The following CDK14 variants were observed in gnomAD, a reference collection of about 807,000 sequenced individuals.
The protein encoded by CDK14 is cyclin-dependent kinase 14.
A neutral mutation model predicts 60.7 loss-of-function variants in CDK14; 34 were observed. That is an observed-to-expected ratio of 0.56 (90% CI 0.43 to 0.75). The LOEUF is 0.75. Among genes scored for constraint, CDK14 ranks in the 30% least tolerant of loss-of-function variants. The pLI, the probability that CDK14 is intolerant of heterozygous loss-of-function variation, is 0.00. For missense variants in CDK14, 482 were observed against 564.1 expected (o/e 0.85, Z 1.47); for synonymous variants, 197 against 203.7 (o/e 0.97, Z 0.28).
At chr7:90,854,525 C>T (rs1790757127) in intron 5 of CDK14, among the ~76,000 whole-genome samples, 1 of 151,954 alleles carries the variant, frequency 6.6e-6, no homozygotes, top group Admixed American at 6.6e-5. Context: ...CAAGACCCTG[C>T]CTCTAAATAA....
intron 14 of CDK14, among the ~76,000 whole-genome samples, chr7:91,135,834 A>G (rs1323335825): frequency 6.6e-6 from 1 of 152,294 alleles, no homozygotes; most frequent in East Asian, 1.9e-4. Flanking sequence ...AACTGAACCC[A>G]AGCACCCTTT....
chr7:90,928,869 AC>A (rs1793503901), intron 8 of CDK14, among the ~76,000 whole-genome samples: 1 of 152,134 alleles, frequency 6.6e-6, no homozygotes, highest in Non-Finnish European at 1.5e-5. Context: ...AGTGAGTTCC[AC>A]CCAGTTTGAG....
At chr7:90,873,572 GC>G (rs1791448131) in intron 6 of CDK14, among the ~76,000 whole-genome samples, 3 of 152,008 alleles carry the variant, frequency 2.0e-5, no homozygotes, top group Admixed American at 6.5e-5. Flanking sequence ...GGAATATTAG[GC>G]CACCCTATAA....
chr7:90,781,402 C>A (rs952086214), intron 4 of CDK14, among the ~76,000 whole-genome samples: 31 of 151,828 alleles, frequency 2.0e-4, no homozygotes, highest in Non-Finnish European at 3.8e-4. Flanking sequence ...TTTTGCTGTG[C>A]AGAAGCTCTT....
intron 4 of CDK14, among the ~76,000 whole-genome samples, chr7:90,779,535 T>C (rs1805219567): frequency 6.6e-6 from 1 of 152,222 alleles, no homozygotes; most frequent in Non-Finnish European, 1.5e-5. Context: ...TATAGCGTGC[T>C]GAGATTTTCC....
At chr7:91,029,244 A>G (rs1796686997) in intron 10 of CDK14, among the ~76,000 whole-genome samples, 1 of 152,086 alleles carries the variant, frequency 6.6e-6, no homozygotes, top group Non-Finnish European at 1.5e-5. Flanking sequence ...TTGAAGTCAG[A>G]TAATGTGGTG....
chr7:90,945,303 G>A (rs552986460), intron 8 of CDK14, among the ~76,000 whole-genome samples: 7 of 152,246 alleles, frequency 4.6e-5, no homozygotes, highest in South Asian at 2.1e-4. Context: ...CATCTAATTC[G>A]CACAAATACC....
chr7:90,771,431 T>C (rs1361687030), intron 4 of CDK14, among the ~76,000 whole-genome samples: 2 of 152,198 alleles, frequency 1.3e-5, no homozygotes, highest in Non-Finnish European at 2.9e-5. Context: ...GTTCTTGTCT[T>C]ATGACCAAAA....
chr7:90,660,117 T>A (rs1356682884), intron 2 of CDK14, among the ~76,000 whole-genome samples: 1 of 152,190 alleles, frequency 6.6e-6, no homozygotes. Context: ...GCTTCTGTAA[T>A]GAAGGATCCA....
intron 12 of CDK14, among the ~76,000 whole-genome samples, chr7:91,083,150 T>G (rs1211117291): frequency 6.6e-6 from 1 of 152,210 alleles, no homozygotes; most frequent in African/African-American, 2.4e-5. Context: ...TTCTATTTAC[T>G]TCAAAGTAAC....
intron 2 of CDK14, among the ~76,000 whole-genome samples, chr7:90,697,353 T>C (rs1801681186): frequency 2.6e-5 from 4 of 152,122 alleles, no homozygotes; most frequent in Admixed American, 1.3e-4. Context: ...TGCATTGTGG[T>C]GCTAAAAAAA....
chr7:90,737,267 C>T (rs1349997861), intron 3 of CDK14, among the ~76,000 whole-genome samples: 1 of 152,186 alleles, frequency 6.6e-6, no homozygotes, highest in African/African-American at 2.4e-5. Flanking sequence ...ATAAGCTGAT[C>T]TTAAAGAGGG....
chr7:91,059,239 T>TCC (rs1797695887), intron 11 of CDK14, among the ~76,000 whole-genome samples: 2 of 152,246 alleles, frequency 1.3e-5, no homozygotes, highest in Non-Finnish European at 2.9e-5. Context: ...TTCTGTGGGA[T>TCC]CGGTGGTGAT....
intron 6 of CDK14, among the ~76,000 whole-genome samples, chr7:90,873,111 A>G (rs756372761): frequency 6.6e-6 from 1 of 152,152 alleles, no homozygotes; most frequent in Non-Finnish European, 1.5e-5. Context: ...ACTCCTGGAA[A>G]ACTGCATGAT....
In CDK14 at chr7:90,978,628, T is replaced by C. The variant is rs994208856; in HGVS notation, c.948-5520T>C. Among the ~76,000 whole-genome samples the C allele has an allele frequency of 1.2e-4, 19 of 152,230 alleles. No homozygotes were observed. In the East Asian group the frequency reaches 3.5e-3, roughly 28 times the overall value. ...CCTCTTCTCCCTCCCATGATGCATA[T>C]CAGCTCACAAAATTATCTATTTTGG... On this transcript the variant is annotated intron_variant, in intron 9 of 14. Transcript: ENST00000380050.
At chr7:90,775,878 G>T (rs1176628511) in intron 4 of CDK14, among the ~76,000 whole-genome samples, 2 of 150,364 alleles carry the variant, frequency 1.3e-5, no homozygotes, top group African/African-American at 4.9e-5. Flanking sequence ...ATAGTTTTCA[G>T]TGTATGTGGG....
chr7:91,136,347 G>A (rs183260569), intron 14 of CDK14, among the ~76,000 whole-genome samples: 12 of 152,164 alleles, frequency 7.9e-5, no homozygotes, highest in Admixed American at 7.2e-4. Context: ...GATATTTATG[G>A]GTCAGAAGTC....
In CDK14 at chr7:90,686,644, A is replaced by G. The variant is rs117520920; in HGVS notation, c.124-39923A>G. On this transcript the variant is annotated intron_variant, in intron 2 of 14. Transcript: ENST00000380050. ...CATTCCCTATCATGAGTACTGGCAA[A>G]TGTTGTCAACTAAATGAATTAACCA... Among the ~76,000 whole-genome samples, 619 of 152,262 alleles carry G rather than the reference A, an allele frequency of 4.1e-3. 3 individuals carry two copies. The highest frequency in any genetic ancestry group is 7.7e-3 in the Admixed American group (118 of 15,282).
intron 5 of CDK14, among the ~76,000 whole-genome samples, chr7:90,803,231 A>G (rs1042871487): frequency 6.6e-6 from 1 of 152,022 alleles, no homozygotes; most frequent in Non-Finnish European, 1.5e-5. Context: ...TGCTGCCCAC[A>G]TTGTGGGGAT....
Sources: allele counts gnomAD v4.1 joint callset (sites outside exome capture counted in the v4.1 genomes callset), GRCh38; gene constraint gnomAD v4.1.1; transcripts MANE v1.5; gene names NCBI Gene and HGNC (gene_info 2026-07-23, HGNC 2026-07-21).